Variants in SPAG1 observed in about 807,000 individuals in gnomAD.
The protein encoded by SPAG1 is sperm-associated antigen 1.
In SPAG1, 69 loss-of-function variants were observed where a neutral mutation model predicts 100.5. The observed-to-expected ratio is 0.69, with a 90% CI of 0.57 to 0.84. The LOEUF (loss-of-function observed/expected upper bound fraction) is 0.84, where lower values mean the gene tolerates loss of function less well. SPAG1 is among the 40% of genes least tolerant of loss of function. SPAG1 has a pLI of 0.00. For missense variants in SPAG1, 955 were observed against 1,133.1 expected (o/e 0.84, Z 2.26); for synonymous variants, 336 against 411.6 (o/e 0.82, Z 2.22).
At chr8:100,233,340 T>G in intron 15 of SPAG1, 71 bp from the exon 16 acceptor site, 1 of 1,548,162 alleles carries the variant, frequency 6.5e-7, no homozygotes, top group Non-Finnish European at 8.8e-7. Context: ...CTGATTTTTC[T>G]TAGCTGTCTA....
Position 100,176,373 on chromosome 8 carries a change from C to CT in SPAG1, c.301-1433dup, listed in dbSNP as rs1478397545. Among the ~76,000 whole-genome samples, 714 of 137,668 alleles carry CT rather than the reference C, an allele frequency of 5.2e-3. 10 individuals are homozygous for CT. Among genetic ancestry groups the CT allele is most frequent in the African/African-American group, 0.018 (686 of 37,212 alleles). The allele number at this position is 137,668 out of a possible 152,430, so 90.3% of individuals were successfully genotyped here. ...TCTTTCTTTTTTTTTTTCTTTCTTT[C>CT]TTTTTTTTTTGAGACTGAGTCTTGC... is the stretch of plus-strand genomic sequence containing the variant. On this transcript the variant is annotated intron_variant, in intron 3 of 18. Transcript: ENST00000388798.
At position 100,194,568 on chromosome 8, in the gene SPAG1, A is replaced by C. The variant is rs760166600; in HGVS notation, c.1096+300A>C. The C allele has an allele frequency of 1.6e-3, 835 of 513,068 alleles. 1 individual carries two copies. Among genetic ancestry groups the C allele is most frequent in the Non-Finnish European group, 2.4e-3 (718 of 294,734 alleles). 31.8% of individuals were successfully genotyped at this position (513,068 alleles called of 1,614,324 possible). ...GACCATTTGCCAGTTAACTTTAAAT[A>C]TCTCTCTTTGATAATTGTTTTGTAT... On this transcript the variant is annotated intron_variant, in intron 10 of 18. Transcript: ENST00000388798.
intron 8 of SPAG1, 99 bp from the exon 9 acceptor site, chr8:100,191,290 TA>T: frequency 4.1e-6 from 3 of 731,128 alleles, no homozygotes; most frequent in Non-Finnish European, 6.9e-6. Context: ...AATTACATCC[TA>T]AAGTATTCTG....
chr8:100,198,000 G>C (rs750822125), intron 10 of SPAG1, among the ~76,000 whole-genome samples: 11 of 152,170 alleles, frequency 7.2e-5, no homozygotes, highest in Non-Finnish European at 1.3e-4. Flanking sequence ...TTCTCTAGTA[G>C]AGATCATTTA....
At chr8:100,236,508 G>T (rs922130172) in intron 16 of SPAG1, among the ~76,000 whole-genome samples, 9 of 152,174 alleles carry the variant, frequency 5.9e-5, no homozygotes, top group African/African-American at 2.2e-4. Flanking sequence ...GCCCAGGCCT[G>T]TTTGCCCAGG....
chr8:100,160,481 G>T (rs1334287099), intron 1 of SPAG1, among the ~76,000 whole-genome samples: 33 of 152,108 alleles, frequency 2.2e-4, no homozygotes, highest in Admixed American at 2.2e-3. Context: ...ACAAAAATTA[G>T]TTGGGCGTGG....
intron 10 of SPAG1, among the ~76,000 whole-genome samples, chr8:100,212,410 T>A (rs146293541): frequency 6.6e-6 from 1 of 152,328 alleles, no homozygotes; most frequent in African/African-American, 2.4e-5. Context: ...AATTAAATAT[T>A]TACACATCCT....
At chr8:100,192,128 G>C (rs1816842763) in intron 9 of SPAG1, among the ~76,000 whole-genome samples, 1 of 152,144 alleles carries the variant, frequency 6.6e-6, no homozygotes, top group Non-Finnish European at 1.5e-5. Flanking sequence ...CCAGATGGAT[G>C]TTGCACACTC....
intron 1 of SPAG1, among the ~76,000 whole-genome samples, chr8:100,161,140 G>C (rs774653360): frequency 6.6e-6 from 1 of 152,060 alleles, no homozygotes; most frequent in Non-Finnish European, 1.5e-5. Context: ...AGGAGTTCGA[G>C]ACCAGCCTGG....
chr8:100,210,173 C>G (rs1400589613), intron 10 of SPAG1, among the ~76,000 whole-genome samples: 1 of 148,300 alleles, frequency 6.7e-6, no homozygotes, highest in Non-Finnish European at 1.5e-5. Flanking sequence ...AATTTCACTT[C>G]TATTCCTAGT....
At chr8:100,209,391 C>G (rs978429265) in intron 10 of SPAG1, among the ~76,000 whole-genome samples, 4 of 146,588 alleles carry the variant, frequency 2.7e-5, no homozygotes, top group Admixed American at 1.4e-4. Context: ...TAGAGAGAAC[C>G]CTGACTAATA....
At chr8:100,164,382 T>G (rs1038488439) in intron 2 of SPAG1, among the ~76,000 whole-genome samples, 2 of 152,216 alleles carry the variant, frequency 1.3e-5, no homozygotes, top group Non-Finnish European at 2.9e-5. Flanking sequence ...ATTTATATGA[T>G]ACATGAGATT....
intron 13 of SPAG1, among the ~76,000 whole-genome samples, chr8:100,220,944 G>T (rs1818247283): frequency 1.3e-5 from 2 of 151,988 alleles, no homozygotes; most frequent in Admixed American, 1.3e-4. Context: ...GTGGTGGCGG[G>T]CGCCTGTAAT....
At chr8:100,215,896 A>AT (rs1019488195) in intron 12 of SPAG1, among the ~76,000 whole-genome samples, 3 of 152,254 alleles carry the variant, frequency 2.0e-5, no homozygotes, top group East Asian at 1.9e-4. Flanking sequence ...AGGCACTTGA[A>AT]TTTTTTTGCC....
At chr8:100,188,677 C>T (rs1816685931) in intron 8 of SPAG1, among the ~76,000 whole-genome samples, 1 of 152,138 alleles carries the variant, frequency 6.6e-6, no homozygotes. Flanking sequence ...GAGGGAGTGA[C>T]ATACATTATA....
intron 7 of SPAG1, 150 bp from the exon 8 acceptor site, chr8:100,186,970 G>A (rs998213626): frequency 3.7e-6 from 2 of 546,244 alleles, no homozygotes; most frequent in Non-Finnish European, 6.1e-6. Context: ...GAGATACTGT[G>A]GGGTTAGGAC....
chr8:100,179,063 CA>C (rs34312235), intron 4 of SPAG1, among the ~76,000 whole-genome samples: 2,114 of 112,000 alleles, frequency 0.019, 38 homozygotes, highest in African/African-American at 0.063. Flanking sequence ...TCCTCTGTCT[CA>C]AAAAAAAAAA....
At position 100,239,092 on chromosome 8, in the gene SPAG1, C is replaced by T; in HGVS notation, c.2116-148C>T. The T allele has an allele frequency of 2.2e-6, 1 of 457,078 alleles. No individual in the cohort carries two copies. The highest frequency in any genetic ancestry group is 3.9e-6 in the Non-Finnish European group (1 of 256,364). 28.3% of individuals were successfully genotyped at this position (457,078 alleles called of 1,614,324 possible). A position where few individuals can be genotyped will look rare whatever the true frequency, so the allele number is the denominator to read the frequency against. On this transcript the variant is annotated intron_variant, in intron 16 of 18. Coordinates refer to ENST00000388798, the MANE Select transcript of SPAG1 (RefSeq NM_003114.5). The surrounding 1 kb of genome is among the most constrained non-coding windows in gnomAD (Gnocchi z 5.0). Reference sequence around the variant, plus strand: ...GGTTATACTATTTCAGCTGCATATTCACCCCACAGGCTCACTTTGTAAGAG... The same window carrying T: ...GGTTATACTATTTCAGCTGCATATTTACCCCACAGGCTCACTTTGTAAGAG...
rs771160750 is a variant in SPAG1, at chr8:100,162,713, C to T, written c.140+293C>T. 2.8e-4 allele frequency among the ~76,000 whole-genome samples: 42 copies of T among 152,296 alleles called. 1 individual carries two copies. Among genetic ancestry groups the T allele is most frequent in the Non-Finnish European group, 4.7e-4 (32 of 68,030 alleles). Reference sequence around the variant, plus strand: ...GCCATTAGGATGGGCTGTGATGGCTCACGCCTGCAACCCCAGCACTTTGGG... The same window carrying T: ...GCCATTAGGATGGGCTGTGATGGCTTACGCCTGCAACCCCAGCACTTTGGG... On this transcript the variant is annotated intron_variant, in intron 2 of 18. Transcript: ENST00000388798.
Sources: gnomAD v4.1 joint callset for allele counts (sites outside exome capture counted in the v4.1 genomes callset) on GRCh38, gnomAD v4.1.1 for gene constraint, Gnocchi (gnomAD v3.1) non-coding constraint, MANE v1.5 for transcripts, NCBI Gene and HGNC (gene_info 2026-07-23, HGNC 2026-07-21) for gene names.